CAP2: variants seen among roughly 807,000 people sequenced by gnomAD.
CAP2 encodes the protein cyclase associated actin cytoskeleton regulatory protein 2, also known as adenylyl cyclase-associated protein 2.
Under a neutral mutation model 57.7 loss-of-function variants are expected in CAP2, and 24 were observed. The ratio of observed to expected loss-of-function variants is 0.42; its 90% CI spans 0.30 to 0.58. The LOEUF (loss-of-function observed/expected upper bound fraction) is 0.58, where lower values mean the gene tolerates loss of function less well. CAP2 is among the 20% of genes least tolerant of loss of function. The probability of loss-of-function intolerance (pLI) is 0.22; values close to 1 mark genes in which losing one functional copy is unlikely to be tolerated. For missense variants in CAP2, 501 were observed against 590.3 expected (o/e 0.85, Z 1.57); for synonymous variants, 194 against 207.2 (o/e 0.94, Z 0.55).
intron 4 of CAP2, among the ~76,000 whole-genome samples, chr6:17,477,587 A>G (rs1761183093): frequency 1.3e-5 from 2 of 152,316 alleles, no homozygotes; most frequent in Admixed American, 6.5e-5. Flanking sequence ...TACTTTTTAC[A>G]GTAAGAGAAA....
intron 1 of CAP2, among the ~76,000 whole-genome samples, chr6:17,408,513 T>A (rs1759048693): frequency 6.6e-6 from 1 of 152,082 alleles, no homozygotes; most frequent in Non-Finnish European, 1.5e-5. Context: ...GATTTCAACA[T>A]AAGTTTTGCA....
At chr6:17,410,163 TA>T (rs1170873361) in intron 1 of CAP2, among the ~76,000 whole-genome samples, 1 of 152,246 alleles carries the variant, frequency 6.6e-6, no homozygotes, top group East Asian at 1.9e-4. Context: ...GTAGCCTCTC[TA>T]CTTCCCAGGG....
At chr6:17,414,136 T>TA (rs1340278041) in intron 1 of CAP2, among the ~76,000 whole-genome samples, 1 of 152,144 alleles carries the variant, frequency 6.6e-6, no homozygotes, top group Non-Finnish European at 1.5e-5. Flanking sequence ...TTGATGGACT[T>TA]ACAGAGAAAT....
chr6:17,432,453 T>C (rs1237144132), intron 3 of CAP2, among the ~76,000 whole-genome samples: 1 of 152,248 alleles, frequency 6.6e-6, no homozygotes, highest in Non-Finnish European at 1.5e-5. Flanking sequence ...TTCTGTTCAC[T>C]GTTTTAATTT....
chr6:17,497,661 T>G (rs568589390), intron 4 of CAP2, among the ~76,000 whole-genome samples: 57 of 152,322 alleles, frequency 3.7e-4, no homozygotes, highest in Non-Finnish European at 6.9e-4. Context: ...TTTCTGGAAC[T>G]CATGTTGTCA....
rs1370133031 is a variant in CAP2 at position 17,532,801 on chromosome 6, C to T, written c.637-6468C>T. On this transcript the variant is annotated intron_variant, in intron 7 of 12. Coordinates refer to ENST00000229922, the MANE Select transcript of CAP2 (RefSeq NM_006366.3). ...AGTGTTGGCCAGGCGTGGTGGCTCA[C>T]GCCTGTAATCCCAGCACTTTGGGAG... Among the ~76,000 whole-genome samples, 6 of 150,844 alleles carry T rather than the reference C, an allele frequency of 4.0e-5. No homozygotes were observed. In the East Asian group the frequency reaches 9.8e-4, roughly 25 times the overall value.
intron 3 of CAP2, among the ~76,000 whole-genome samples, chr6:17,437,401 C>T (rs1237175105): frequency 1.3e-5 from 2 of 152,100 alleles, no homozygotes; most frequent in African/African-American, 4.8e-5. Context: ...AATTGCCTTC[C>T]ATGGGGATAT....
At chr6:17,533,488 C>T (rs773264787) in intron 7 of CAP2, among the ~76,000 whole-genome samples, 8 of 151,802 alleles carry the variant, frequency 5.3e-5, no homozygotes, top group Non-Finnish European at 1.2e-4. Context: ...CATTTTTCGG[C>T]GTTGTGCTGT....
In CAP2 at chr6:17,428,630, G is replaced by C. The variant is rs1338308627; in HGVS notation, c.222+1940G>C. Among the ~76,000 whole-genome samples the C allele has an allele frequency of 3.6e-3, 528 of 146,928 alleles. 4 individuals carry two copies. The highest frequency in any genetic ancestry group is 0.013 in the African/African-American group (499 of 39,446). ...CACACTCTGGGGACTGTGGTGGGATGGGGGGAGGGGGGAGGGATAGCATTG... is the reference window on the plus strand; with the variant it reads ...CACACTCTGGGGACTGTGGTGGGATCGGGGGAGGGGGGAGGGATAGCATTG... On this transcript the variant is annotated intron_variant, in intron 3 of 12. Coordinates refer to ENST00000229922, the MANE Select transcript of CAP2 (RefSeq NM_006366.3).
At chr6:17,430,195 A>C (rs1361825253) in intron 3 of CAP2, among the ~76,000 whole-genome samples, 1 of 152,188 alleles carries the variant, frequency 6.6e-6, no homozygotes, top group Non-Finnish European at 1.5e-5. Context: ...AGAACAGACC[A>C]CAAAAAAGGG....
chr6:17,487,859 G>A (rs942896424), intron 4 of CAP2, among the ~76,000 whole-genome samples: 1 of 152,104 alleles, frequency 6.6e-6, no homozygotes, highest in African/African-American at 2.4e-5. Context: ...GCTCACTGCA[G>A]CCTCAAACTC....
intron 4 of CAP2, among the ~76,000 whole-genome samples, chr6:17,470,815 A>C (rs574706911): frequency 6.6e-6 from 1 of 152,352 alleles, no homozygotes; most frequent in East Asian, 1.9e-4. Flanking sequence ...TCTCTGTGGA[A>C]ATGTATTGTC....
At chr6:17,436,255 C>G (rs989925816) in intron 3 of CAP2, among the ~76,000 whole-genome samples, 4 of 152,080 alleles carry the variant, frequency 2.6e-5, no homozygotes, top group African/African-American at 9.7e-5. Context: ...TCCCAAATAA[C>G]TGGGATTATA....
At chr6:17,397,970 A>T (rs926216745) in intron 1 of CAP2, among the ~76,000 whole-genome samples, 18 of 151,894 alleles carry the variant, frequency 1.2e-4, no homozygotes, top group African/African-American at 4.1e-4. Flanking sequence ...TTACACATTG[A>T]TGGCATGTAA....
chr6:17,479,161 T>C (rs1761225758), intron 4 of CAP2, among the ~76,000 whole-genome samples: 1 of 152,046 alleles, frequency 6.6e-6, no homozygotes, highest in East Asian at 1.9e-4. Flanking sequence ...TGGGCATGGG[T>C]GTCCTCCAGG....
chr6:17,507,422 C>G (rs966479931), intron 5 of CAP2, 110 bp downstream of exon 5: 11 of 1,202,286 alleles, frequency 9.1e-6, no homozygotes, highest in Admixed American at 2.1e-5. Flanking sequence ...AAGCTTCTTC[C>G]TGGGCTGAAT....
At chr6:17,541,828 T>G (rs1762909622) in intron 9 of CAP2, among the ~76,000 whole-genome samples, 1 of 152,186 alleles carries the variant, frequency 6.6e-6, no homozygotes. Flanking sequence ...CTGGCTAGAG[T>G]AGAAACCAGG....
At chr6:17,529,598 G>A (rs1346802364) in intron 7 of CAP2, among the ~76,000 whole-genome samples, 3 of 144,908 alleles carry the variant, frequency 2.1e-5, no homozygotes, top group African/African-American at 5.3e-5. Context: ...CCGAGATCAC[G>A]CCACTGCACT....
In CAP2 at chr6:17,541,026, G is replaced by T. The variant is rs777554386; in HGVS notation, c.880G>T (p.Ala294Ser). The change falls in exon 9 of 13, where the codon GCT becomes TCT. Residue 294 changes from alanine (A) to serine (S), a missense_variant. Physicochemically the swap from Ala to Ser is moderately conservative, Grantham distance 99. Transcript: ENST00000229922. ...GACATACAAAAATCCCAGCCTGCGG[G>T]CTCAAGGAGGGCAAACTCAATCTCC... ...QKTYKNPSLR[A>S]QGGQTQSPTK... The T allele has an allele frequency of 2.5e-6, 4 of 1,614,126 alleles. No homozygotes were observed. In the Admixed American group the frequency reaches 5.0e-5, roughly 20 times the overall value.
Sources: gnomAD v4.1 joint callset for allele counts (sites outside exome capture counted in the v4.1 genomes callset) on GRCh38, gnomAD v4.1.1 for gene constraint, MANE v1.5 for transcripts, NCBI Gene and HGNC (gene_info 2026-07-23, HGNC 2026-07-21) for gene names.